The following SPIDR variants were observed in gnomAD, a reference collection of about 807,000 sequenced individuals.
SPIDR encodes the protein DNA repair-scaffolding protein.
A neutral mutation model predicts 104.6 loss-of-function variants in SPIDR; 93 were observed. The ratio of observed to expected loss-of-function variants is 0.89; its 90% CI spans 0.75 to 1.06. The LOEUF is 1.06. SPIDR is among the 50% of genes least tolerant of loss of function. The pLI is 0.00. For synonymous variants in SPIDR, 431 were observed against 416.9 expected (o/e 1.03, Z -0.41); for missense variants, 1,154 against 1,111.2 (o/e 1.04, Z -0.55).
At chr8:47,624,189 G>C (rs1213105799) in intron 10 of SPIDR, among the ~76,000 whole-genome samples, 1 of 152,162 alleles carries the variant, frequency 6.6e-6, no homozygotes, top group African/African-American at 2.4e-5. Flanking sequence ...TGAAACCAAT[G>C]AGAACAAAGA....
intron 10 of SPIDR, among the ~76,000 whole-genome samples, chr8:47,634,297 C>A (rs2067543102): frequency 6.6e-6 from 1 of 151,808 alleles, no homozygotes; most frequent in Non-Finnish European, 1.5e-5. Context: ...ACTAAAAATA[C>A]AAAAATTAGC....
intron 8 of SPIDR, among the ~76,000 whole-genome samples, chr8:47,503,641 G>A (rs1314828385): frequency 6.6e-6 from 1 of 152,142 alleles, no homozygotes; most frequent in Non-Finnish European, 1.5e-5. Context: ...CACATTTAAG[G>A]TTAATATTGT....
chr8:47,458,375 AT>A (rs2073377875), intron 8 of SPIDR, among the ~76,000 whole-genome samples: 3 of 147,694 alleles, frequency 2.0e-5, no homozygotes, highest in African/African-American at 7.5e-5. Context: ...ATTTTATTTT[AT>A]TTTATTTTAT....
In SPIDR at chr8:47,729,466, G is replaced by T; in HGVS notation, c.2604+1G>T. The T allele has an allele frequency of 1.9e-6, 3 of 1,595,606 alleles. No individual in the cohort carries two copies. Among genetic ancestry groups the T allele is most frequent in the Non-Finnish European group, 2.6e-6 (3 of 1,172,254 alleles). ...GAGGTTTGCCGCCGGTGAAGATGGG[G>T]TAAGTGCAGGGGGCCCAGCCCAGGG... On this transcript the variant is annotated splice_donor_variant, in intron 19 of 19. Coordinates refer to ENST00000297423, the MANE Select transcript of SPIDR (RefSeq NM_001080394.4). LOFTEE classifies it high-confidence loss of function.
intron 14 of SPIDR, among the ~76,000 whole-genome samples, chr8:47,702,778 G>A (rs1032549134): frequency 3.3e-4 from 50 of 152,346 alleles, no homozygotes; most frequent in African/African-American, 1.2e-3. Flanking sequence ...GTGCAGGAGA[G>A]AGTGAGTGCC....
intron 8 of SPIDR, among the ~76,000 whole-genome samples, chr8:47,488,539 GAC>G (rs1365397260): frequency 2.6e-5 from 4 of 152,052 alleles, no homozygotes; most frequent in Non-Finnish European, 5.9e-5. Context: ...GCCTGGCAGA[GAC>G]ACACAAAAAA....
chr8:47,407,869 T>C lies in SPIDR; in HGVS notation c.785T>C (p.Leu262Pro). Residue 262 changes from leucine to proline, a missense_variant, in exon 7 of 20, where the codon CTA (leucine) becomes CCA (proline). Transcript: ENST00000297423. ...TATAATTCATTAAACAGAGGTGGAC[T>C]AGCAGAAAGACTAAATGGACTGCAG... Reference protein sequence around the residue: ...SAKKKLLRGGLAERLNGLQNR... With the variant: ...SAKKKLLRGGPAERLNGLQNR... 1 of 1,590,946 alleles carries C rather than the reference T, an allele frequency of 6.3e-7. No homozygotes were observed. Among genetic ancestry groups the C allele is most frequent in the Non-Finnish European group, 8.6e-7 (1 of 1,163,396 alleles).
intron 1 of SPIDR, 121 bp from the exon 2 acceptor site, chr8:47,279,741 C>G: frequency 2.1e-6 from 2 of 972,650 alleles, no homozygotes; most frequent in South Asian, 3.5e-5. Context: ...CATTCAAAAA[C>G]TATACCTTTA....
intron 6 of SPIDR, 23 bp downstream of exon 6, chr8:47,396,649 A>G: frequency 1.9e-6 from 3 of 1,557,752 alleles, no homozygotes; most frequent in Non-Finnish European, 8.6e-7. Flanking sequence ...CCTTTTAAAT[A>G]CTCTTTTTAA....
chr8:47,301,429 A>G (rs2042071986), intron 5 of SPIDR, among the ~76,000 whole-genome samples: 2 of 152,184 alleles, frequency 1.3e-5, no homozygotes, highest in African/African-American at 2.4e-5. Flanking sequence ...TTATTGGAGC[A>G]TTTAGCCCAT....
At position 47,591,565 on chromosome 8, in the gene SPIDR, A is replaced by T. The variant is rs534353028; in HGVS notation, c.1098-4246A>T. ...AAGCTTTTTTTGAAGGGGGGAATCT[A>T]CATTTGACAGCAGTGTTATTAGTGA... On this transcript the variant is annotated intron_variant, in intron 8 of 19. Transcript: ENST00000297423. 1.7e-3 allele frequency among the ~76,000 whole-genome samples: 256 copies of T among 152,206 alleles called. 3 individuals carry two copies. The highest frequency in any genetic ancestry group is 3.4e-3 in the Non-Finnish European group (230 of 68,008).
chr8:47,318,204 G>GTT, intron 5 of SPIDR, among the ~76,000 whole-genome samples: 2 of 152,114 alleles, frequency 1.3e-5, no homozygotes, highest in East Asian at 1.9e-4. Context: ...GGAAAAAAAC[G>GTT]AGACAAATGG....
chr8:47,655,840 C>A (rs996424579), intron 10 of SPIDR, among the ~76,000 whole-genome samples: 5 of 152,048 alleles, frequency 3.3e-5, no homozygotes, highest in African/African-American at 9.7e-5. Flanking sequence ...GTTTTCTTCT[C>A]GGGTTTTTAT....
chr8:47,643,334 A>G (rs1438574119), intron 10 of SPIDR, among the ~76,000 whole-genome samples: 2 of 151,958 alleles, frequency 1.3e-5, no homozygotes, highest in Non-Finnish European at 2.9e-5. Context: ...TGCAACTTCT[A>G]TTTTATTTAT....
At chr8:47,486,033 C>G (rs1554730943) in intron 8 of SPIDR, among the ~76,000 whole-genome samples, 1 of 152,188 alleles carries the variant, frequency 6.6e-6, no homozygotes, top group Non-Finnish European at 1.5e-5. Flanking sequence ...GAGATGAAGG[C>G]TTCAGATGAT....
chr8:47,713,557 G>A lies in SPIDR; in HGVS notation c.2257G>A (p.Ala753Thr). The part of the protein sequence containing the change: ...QKPLLSVVSG[A>T]SSCELPGPVM... The stretch of plus-strand genomic sequence containing the variant: ...GCCCCTTTTGAGTGTGGTCTCTGGT[G>A]CAAGTTCCTGTGAGCTGCCTGGCCC... Residue 753 changes from alanine (A) to threonine (T), a missense_variant, in exon 16 of 20, where the codon GCA becomes ACA. Ala to Thr is a moderately conservative substitution (Grantham distance 58, BLOSUM62 0). Transcript: ENST00000297423. 3 of 1,614,178 alleles carry A rather than the reference G, an allele frequency of 1.9e-6. No homozygotes were observed. Among genetic ancestry groups the A allele is most frequent in the Non-Finnish European group, 2.5e-6 (3 of 1,180,040 alleles).
At chr8:47,275,119 C>T (rs984270001) in intron 1 of SPIDR, among the ~76,000 whole-genome samples, 4 of 151,266 alleles carry the variant, frequency 2.6e-5, no homozygotes, top group East Asian at 4.0e-4. Context: ...ATTAGCCGCG[C>T]GTGGTGGGGG....
At chr8:47,400,140 G>A (rs2061686413) in intron 6 of SPIDR, among the ~76,000 whole-genome samples, 3 of 152,228 alleles carry the variant, frequency 2.0e-5, no homozygotes, top group Non-Finnish European at 4.4e-5. Flanking sequence ...CTACCAGATG[G>A]TCTTGAAGCT....
chr8:47,658,642 A>G (rs1452769498), intron 10 of SPIDR, among the ~76,000 whole-genome samples: 1 of 151,436 alleles, frequency 6.6e-6, no homozygotes, highest in African/African-American at 2.4e-5. Context: ...AGTATGGAAA[A>G]GGCCTTTCTC....
Sources: allele counts gnomAD v4.1 joint callset (sites outside exome capture counted in the v4.1 genomes callset), GRCh38; gene constraint gnomAD v4.1.1; transcripts MANE v1.5; gene names NCBI Gene and HGNC (gene_info 2026-07-23, HGNC 2026-07-21).